GALNT17: variants seen among roughly 807,000 people sequenced by gnomAD.
GALNT17 encodes UDP-GalNAc:polypeptide N-acetylgalactosaminyltransferase-like 3.
In GALNT17, 29 loss-of-function variants were observed where a neutral mutation model predicts 63.7. That is an observed-to-expected ratio of 0.46 (90% CI 0.34 to 0.62). The LOEUF (loss-of-function observed/expected upper bound fraction) is 0.62. Ranked by LOEUF, GALNT17 falls within the 20% of genes least tolerant of loss-of-function variation. The pLI is 0.01. For synonymous variants in GALNT17, 305 were observed against 318.3 expected (o/e 0.96, Z 0.45); for missense variants, 603 against 799.6 (o/e 0.75, Z 2.97).
chr7:71,423,401 A>G (rs1458163962), intron 5 of GALNT17, among the ~76,000 whole-genome samples: 1 of 152,140 alleles, frequency 6.6e-6, no homozygotes, highest in African/African-American at 2.4e-5. Flanking sequence ...ATAGTTCAGT[A>G]CTTTATGTGA....
intron 2 of GALNT17, among the ~76,000 whole-genome samples, chr7:71,367,715 T>A (rs1792541568): frequency 6.6e-6 from 1 of 152,224 alleles, no homozygotes; most frequent in African/African-American, 2.4e-5. Flanking sequence ...TGCCCCCTTC[T>A]ATTTGGGGCT....
chr7:71,706,838 A>T (rs1791727688), intron 9 of GALNT17, among the ~76,000 whole-genome samples: 1 of 152,208 alleles, frequency 6.6e-6, no homozygotes, highest in Non-Finnish European at 1.5e-5. Flanking sequence ...TATCTGCCAG[A>T]AAAGAGCCAC....
chr7:71,226,991 A>G (rs28468498), intron 1 of GALNT17, among the ~76,000 whole-genome samples: 17,696 of 151,726 alleles, frequency 0.12, 1,767 homozygotes, highest in African/African-American at 0.27. Context: ...GCTGGGCAGG[A>G]TCATCTCTGT....
intron 5 of GALNT17, among the ~76,000 whole-genome samples, chr7:71,561,931 A>G (rs1442843973): frequency 1.3e-5 from 2 of 151,742 alleles, no homozygotes; most frequent in African/African-American, 2.4e-5. Context: ...TTTACAGGCT[A>G]TGGATCAGCA....
intron 3 of GALNT17, among the ~76,000 whole-genome samples, chr7:71,401,230 G>T (rs921706020): frequency 6.6e-6 from 1 of 151,498 alleles, no homozygotes; most frequent in African/African-American, 2.4e-5. Context: ...CCGAGTAGCT[G>T]CAATTACAGG....
At position 71,630,991 on chromosome 7, in the gene GALNT17, G is replaced by T. The variant is rs551454987; in HGVS notation, c.1081-34420G>T. ...TCAATGAGCACTTACTGGGTACCAG[G>T]CCCTATTCTGGCCCTGGGAATGCAG... On this transcript the variant is annotated intron_variant, in intron 6 of 10. Transcript: ENST00000333538. Among the ~76,000 whole-genome samples the T allele has an allele frequency of 5.9e-5, 9 of 152,280 alleles. No homozygotes were observed. The South Asian group carries it at 1.9e-3, about 32-fold the overall frequency.
rs146651969 is a variant in GALNT17 at position 71,285,401 on chromosome 7, T to G, written c.239-50149T>G. On this transcript the variant is annotated intron_variant, in intron 1 of 10. Coordinates refer to ENST00000333538, the MANE Select transcript of GALNT17 (RefSeq NM_022479.3). ...CTCAATTTGCGTATTGTCATGTAAA[T>G]TTTTAGGATTGTTGTAAAATCTGGA... Among the ~76,000 whole-genome samples, 91 of 152,324 alleles carry G rather than the reference T, an allele frequency of 6.0e-4. No homozygotes were observed. In the Middle Eastern group the frequency reaches 0.01, roughly 17 times the overall value.
At position 71,548,912 on chromosome 7, in the gene GALNT17, G is replaced by A. The variant is rs904700714; in HGVS notation, c.963-22373G>A. On this transcript the variant is annotated intron_variant, in intron 5 of 10. Coordinates refer to ENST00000333538, the MANE Select transcript of GALNT17 (RefSeq NM_022479.3). ...GTCATTATCAATGAATCAGCCTCCA[G>A]TGAAATAACTGACTGCACTTGTGGT... Among the ~76,000 whole-genome samples, 6 of 152,190 alleles carry A rather than the reference G, an allele frequency of 3.9e-5. No homozygotes were observed. In the East Asian group the frequency reaches 1.2e-3, roughly 29 times the overall value.
chr7:71,148,275 T>C (rs1331076433), intron 1 of GALNT17, among the ~76,000 whole-genome samples: 1 of 152,236 alleles, frequency 6.6e-6, no homozygotes, highest in Non-Finnish European at 1.5e-5. Flanking sequence ...TCTTTTGGTC[T>C]TTTCCTCATG....
intron 1 of GALNT17, among the ~76,000 whole-genome samples, chr7:71,328,348 C>T (rs1791739852): frequency 6.6e-6 from 1 of 152,184 alleles, no homozygotes; most frequent in African/African-American, 2.4e-5. Context: ...CAAGAAGCCA[C>T]CCCATTCTCT....
At chr7:71,516,481 A>G (rs75147889) in intron 5 of GALNT17, among the ~76,000 whole-genome samples, 7,221 of 152,156 alleles carry the variant, frequency 0.047, 337 homozygotes, top group African/African-American at 0.12. Context: ...ATTGCAGTAC[A>G]CCTGGACATC....
chr7:71,399,534 C>G (rs1793203602), intron 3 of GALNT17, among the ~76,000 whole-genome samples: 1 of 152,146 alleles, frequency 6.6e-6, no homozygotes, highest in African/African-American at 2.4e-5. Context: ...TGCATTTCCT[C>G]TGGCTTTGGA....
intron 1 of GALNT17, among the ~76,000 whole-genome samples, chr7:71,192,556 T>C (rs1202661): frequency 0.37 from 56,250 of 151,812 alleles, 12,539 homozygotes; most frequent in African/African-American, 0.61. Context: ...CCACTATGCC[T>C]GGCTAATTTT....
chr7:71,695,386 CAT>C (rs1562739882), intron 9 of GALNT17, among the ~76,000 whole-genome samples: 1 of 152,150 alleles, frequency 6.6e-6, no homozygotes, highest in Non-Finnish European at 1.5e-5. Flanking sequence ...CATGATGAGT[CAT>C]ATGGCAGAAG....
intron 9 of GALNT17, chr7:71,685,856 A>AT (rs1454947405): frequency 7.2e-6 from 1 of 137,994 alleles, no homozygotes; most frequent in Non-Finnish European, 1.6e-5. Context: ...TCCCAGCTTG[A>AT]TTTTTTGTTT....
intron 5 of GALNT17, among the ~76,000 whole-genome samples, chr7:71,443,127 A>G (rs886214036): frequency 6.6e-6 from 1 of 152,196 alleles, no homozygotes; most frequent in Non-Finnish European, 1.5e-5. Context: ...AGAATGACTC[A>G]GGGCAGGTTA....
chr7:71,657,489 G>A (rs56291910), intron 6 of GALNT17, among the ~76,000 whole-genome samples: 33,457 of 152,058 alleles, frequency 0.22, 4,075 homozygotes, highest in Non-Finnish European at 0.27. Flanking sequence ...TGGCTGCCTA[G>A]GCTCCTCAGT....
intron 1 of GALNT17, among the ~76,000 whole-genome samples, chr7:71,253,905 G>A (rs1379729122): frequency 1.3e-5 from 2 of 152,172 alleles, no homozygotes; most frequent in Non-Finnish European, 2.9e-5. Flanking sequence ...GAGGGAAAGA[G>A]TCAAATTCTG....
chr7:71,635,522 T>G (rs1358638857), intron 6 of GALNT17, among the ~76,000 whole-genome samples: 3 of 152,190 alleles, frequency 2.0e-5, no homozygotes, highest in Non-Finnish European at 4.4e-5. Flanking sequence ...TATATTTGTA[T>G]GTATTTATGG....
Sources: allele counts gnomAD v4.1 joint callset (sites outside exome capture counted in the v4.1 genomes callset), GRCh38; gene constraint gnomAD v4.1.1; transcripts MANE v1.5; gene names NCBI Gene and HGNC (gene_info 2026-07-23, HGNC 2026-07-21).